The following SENP7 variants were observed in gnomAD, a reference collection of about 807,000 sequenced individuals.
The protein encoded by SENP7 is sentrin-specific protease 7.
In SENP7, 64 loss-of-function variants were observed where a neutral mutation model predicts 141.2. The ratio of observed to expected loss-of-function variants is 0.45; its 90% CI spans 0.37 to 0.56. SENP7 has a LOEUF of 0.56. Ranked by LOEUF, SENP7 falls within the 20% of genes least tolerant of loss-of-function variation. The probability of loss-of-function intolerance (pLI) is 0.00; values close to 1 mark genes in which losing one functional copy is unlikely to be tolerated. For missense variants in SENP7, 1,025 were observed against 1,212.2 expected, an observed-to-expected ratio of 0.85 and a Z score of 2.29; for synonymous variants, 382 against 426.4, an observed-to-expected ratio of 0.90 and a Z score of 1.28.
At chr3:101,509,436 AT>A (rs903960030) in intron 1 of SENP7, among the ~76,000 whole-genome samples, 4 of 151,894 alleles carry the variant, frequency 2.6e-5, no homozygotes, top group Admixed American at 1.3e-4. Flanking sequence ...AAAGGCTAAC[AT>A]TTTTTTTACT....
chr3:101,495,157 C>T (rs899389483), intron 2 of SENP7, among the ~76,000 whole-genome samples: 6 of 151,984 alleles, frequency 3.9e-5, no homozygotes, highest in African/African-American at 1.4e-4. Flanking sequence ...ATGTGGCCGA[C>T]ATCACTGATC....
At chr3:101,480,470 G>A (rs375913088) in intron 3 of SENP7, among the ~76,000 whole-genome samples, 14 of 152,168 alleles carry the variant, frequency 9.2e-5, no homozygotes, top group Middle Eastern at 3.4e-3. Flanking sequence ...ATATCCATAC[G>A]CAGAAAAATA....
intron 5 of SENP7, among the ~76,000 whole-genome samples, chr3:101,402,248 G>T (rs1354967310): frequency 2.6e-5 from 4 of 152,186 alleles, no homozygotes; most frequent in Non-Finnish European, 4.4e-5. Flanking sequence ...TGACTCTCTT[G>T]TTAGGGGCTA....
chr3:101,415,852 C>T (rs4683900), intron 5 of SENP7, among the ~76,000 whole-genome samples: 103,568 of 150,462 alleles, frequency 0.69, 35,765 homozygotes, highest in African/African-American at 0.78. Flanking sequence ...AGTGATAACA[C>T]AGCCTGTCCA....
At chr3:101,446,348 TC>T (rs1240181506) in intron 4 of SENP7, among the ~76,000 whole-genome samples, 1 of 152,184 alleles carries the variant, frequency 6.6e-6, no homozygotes, top group East Asian at 1.9e-4. Context: ...TAATACACTC[TC>T]TTTGAACACT....
chr3:101,488,680 A>G (rs2064831302), intron 3 of SENP7, among the ~76,000 whole-genome samples: 1 of 152,170 alleles, frequency 6.6e-6, no homozygotes, highest in Non-Finnish European at 1.5e-5. Context: ...TGTCTCTACT[A>G]AAACACAAAA....
rs908531482 is a variant in SENP7 at position 101,361,829 on chromosome 3, G to T, written c.1509C>A (p.Val503=). 2.5e-6 allele frequency: 4 copies of T among 1,605,176 alleles called. No individual in the cohort carries two copies. The highest frequency in any genetic ancestry group is 2.7e-5 in the African/African-American group (2 of 74,468). The change falls in exon 11 of 24, where the codon GTC becomes GTA. Residue 503 remains valine, a synonymous_variant. Coordinates refer to ENST00000394095, the MANE Select transcript of SENP7 (RefSeq NM_020654.5). ...MSSELCPYNP[V]MENISSIMPS... ...GCATAATACTGGAAATGTTCTCCAT[G>T]ACAGGATTATATGGGCATAATTCAG...
At chr3:101,402,611 C>T (rs1337899187) in intron 5 of SENP7, among the ~76,000 whole-genome samples, 4 of 29,680 alleles carry the variant, frequency 1.3e-4, no homozygotes, top group Middle Eastern at 0.014. Context: ...AGCAAGACTC[C>T]GTCTCAAAAA....
At position 101,382,639 on chromosome 3, in the gene SENP7, T is replaced by C. The variant is rs2060535714; in HGVS notation, c.678-10513A>G. Among the ~76,000 whole-genome samples, 4 of 152,366 alleles carry C rather than the reference T, an allele frequency of 2.6e-5. No homozygotes were observed. The South Asian group carries it at 8.3e-4, about 32-fold the overall frequency. ...GTCTGACCTAAAAGGGAGTTCTTAA[T>C]AAATATTTATAATGGAAGGGCAAAA... On this transcript the variant is annotated intron_variant, in intron 6 of 23. Transcript: ENST00000394095.
At chr3:101,387,481 T>TCTC (rs2060691015) in intron 6 of SENP7, among the ~76,000 whole-genome samples, 1 of 152,010 alleles carries the variant, frequency 6.6e-6, no homozygotes, top group Admixed American at 6.5e-5. Context: ...GGAGCCTGAC[T>TCTC]AGAGACCTGC....
intron 6 of SENP7, among the ~76,000 whole-genome samples, chr3:101,375,542 CCAAAAAAAAAAA>C (rs1488276695): frequency 8.6e-4 from 22 of 25,512 alleles, no homozygotes; most frequent in African/African-American, 2.6e-3. Context: ...AATTCCATCT[CCAAAAAAAAAAA>C]AAAAAAAAAA....
chr3:101,326,145 A>C, intron 23 of SENP7, 65 bp from the exon 24 acceptor site: 1 of 1,330,408 alleles, frequency 7.5e-7, no homozygotes, highest in East Asian at 2.7e-5. Flanking sequence ...TTTTAATTTC[A>C]TTTTTATAAG....
chr3:101,391,714 G>A (rs1331043380), intron 6 of SENP7, among the ~76,000 whole-genome samples: 1 of 152,070 alleles, frequency 6.6e-6, no homozygotes, highest in African/African-American at 2.4e-5. Flanking sequence ...CTTAAGAGGA[G>A]GAAATTTTAT....
intron 3 of SENP7, among the ~76,000 whole-genome samples, chr3:101,465,153 G>A (rs1026152974): frequency 5.3e-5 from 8 of 151,952 alleles, no homozygotes; most frequent in African/African-American, 1.9e-4. Context: ...GGGGTGGAGG[G>A]GGCATGAAGG....
At chr3:101,422,881 A>C (rs1248064102) in intron 4 of SENP7, among the ~76,000 whole-genome samples, 3 of 152,190 alleles carry the variant, frequency 2.0e-5, no homozygotes, top group African/African-American at 7.2e-5. Context: ...AGAAAACCTC[A>C]ATTTTTTAAA....
intron 5 of SENP7, among the ~76,000 whole-genome samples, chr3:101,413,130 T>C (rs1431683992): frequency 6.6e-6 from 1 of 152,152 alleles, no homozygotes; most frequent in African/African-American, 2.4e-5. Context: ...TTCAGTTTAC[T>C]CAATGATTAA....
At chr3:101,428,062 T>G (rs1316204890) in intron 4 of SENP7, among the ~76,000 whole-genome samples, 1 of 152,234 alleles carries the variant, frequency 6.6e-6, no homozygotes, top group Non-Finnish European at 1.5e-5. Context: ...TTCCATGGTG[T>G]ATATGTGCCA....
chr3:101,433,707 G>C (rs2062272893), intron 4 of SENP7, among the ~76,000 whole-genome samples: 1 of 152,088 alleles, frequency 6.6e-6, no homozygotes, highest in Non-Finnish European at 1.5e-5. Context: ...GGTCAATTCA[G>C]CAAGAGGATA....
At chr3:101,431,508 C>CTTTT (rs56937965) in intron 4 of SENP7, among the ~76,000 whole-genome samples, 243 of 82,844 alleles carry the variant, frequency 2.9e-3, no homozygotes, top group Non-Finnish European at 3.3e-3. Context: ...GCAACCCCTG[C>CTTTT]TTTTTTTTTT....
Sources: allele counts gnomAD v4.1 joint callset (sites outside exome capture counted in the v4.1 genomes callset), GRCh38; gene constraint gnomAD v4.1.1; transcripts MANE v1.5; gene names NCBI Gene and HGNC (gene_info 2026-07-23, HGNC 2026-07-21).